MPDZ: variants seen among roughly 807,000 people sequenced by gnomAD.
The protein encoded by MPDZ is multiple PDZ domain protein.
MPDZ carries 234 observed loss-of-function variants against 239.1 expected under a neutral mutation model. That is an observed-to-expected ratio of 0.98 (90% CI 0.88 to 1.09). MPDZ has a LOEUF of 1.09. MPDZ is among the 50% of genes least tolerant of loss of function. The pLI, the probability that MPDZ is intolerant of heterozygous loss-of-function variation, is 0.00. For synonymous variants in MPDZ, 1,048 were observed against 881.3 expected (o/e 1.19, Z -3.35); for missense variants, 3,175 against 2,510.0 (o/e 1.26, Z -5.66).
chr9:13,222,657 C>T (rs537167343), intron 5 of MPDZ, among the ~76,000 whole-genome samples: 63 of 152,144 alleles, frequency 4.1e-4, no homozygotes, highest in Admixed American at 3.3e-3. Context: ...TCCTACTGAA[C>T]CCCTCCCATA....
chr9:13,247,725 G>C lies in MPDZ; in HGVS notation c.93C>G (p.Asp31Glu), dbSNP rs148433683. The change falls in exon 3 of 47, where the codon GAC (aspartate) becomes GAG (glutamate). Residue 31 changes from aspartate (D) to glutamate (E), a missense_variant. Asp to Glu is a conservative substitution (Grantham distance 45). Coordinates refer to ENST00000319217, the MANE Select transcript of MPDZ (RefSeq NM_001378778.1). ...GGACTGACTTCAGAAGGCTCAGTTT[G>C]TCTTCATTTGCTACATCCCCACGTT... is the stretch of plus-strand genomic sequence containing the variant. ...LRERGDVANE[D>E]KLSLLKSVLQ... is the part of the protein sequence containing the mutation. 250 of 1,613,616 alleles carry C rather than the reference G, an allele frequency of 1.5e-4. No homozygotes were observed. In the African/African-American group the frequency reaches 3.0e-3, roughly 19 times the overall value.
chr9:13,242,972 T>C (rs1965776734), intron 3 of MPDZ, among the ~76,000 whole-genome samples: 1 of 152,190 alleles, frequency 6.6e-6, no homozygotes, highest in South Asian at 2.1e-4. Flanking sequence ...ATGGAGAGCA[T>C]AAAATAATCC....
At chr9:13,243,980 C>T (rs1209803978) in intron 3 of MPDZ, among the ~76,000 whole-genome samples, 1 of 152,178 alleles carries the variant, frequency 6.6e-6, no homozygotes, top group Non-Finnish European at 1.5e-5. Flanking sequence ...CCTGAGTCAT[C>T]TACATTATTT....
intron 26 of MPDZ, 40 bp downstream of exon 26, chr9:13,147,508 C>A: frequency 6.8e-7 from 1 of 1,467,382 alleles, no homozygotes; most frequent in East Asian, 2.3e-5. Flanking sequence ...AAGTTGAACA[C>A]TGTTTGGATA....
At chr9:13,264,318 G>A (rs2138908522) in intron 1 of MPDZ, among the ~76,000 whole-genome samples, 1 of 152,132 alleles carries the variant, frequency 6.6e-6, no homozygotes. Flanking sequence ...CTTTTATAAA[G>A]AATATTAGCA....
At chr9:13,274,415 C>T (rs1433505793) in intron 1 of MPDZ, 1 of 151,446 alleles carries the variant, frequency 6.6e-6, no homozygotes. Context: ...TTTGCAGACA[C>T]AAATAAAACT....
intron 3 of MPDZ, among the ~76,000 whole-genome samples, chr9:13,226,537 C>G (rs986757980): frequency 1.3e-5 from 2 of 152,208 alleles, no homozygotes; most frequent in African/African-American, 4.8e-5. Context: ...CAGGTATATT[C>G]TTCCCCAAAT....
At chr9:13,107,984 A>G (rs956454860) in intron 46 of MPDZ, among the ~76,000 whole-genome samples, 2 of 152,188 alleles carry the variant, frequency 1.3e-5, no homozygotes, top group African/African-American at 4.8e-5. Context: ...ACATACCGAT[A>G]GCTTTTTTAA....
intron 10 of MPDZ, among the ~76,000 whole-genome samples, chr9:13,213,534 A>G (rs1957899758): frequency 6.6e-6 from 1 of 152,176 alleles, no homozygotes; most frequent in Non-Finnish European, 1.5e-5. Context: ...ATATCTCAAA[A>G]GTCCACAAGA....
Position 13,112,103 on chromosome 9 carries a change from C to A in MPDZ, c.5645G>T (p.Gly1882Val), listed in dbSNP as rs1325222450. Residue 1882 changes from glycine (G) to valine (V), a missense_variant, in exon 43 of 47, where the codon GGC becomes GTC. Coordinates refer to ENST00000319217, the MANE Select transcript of MPDZ (RefSeq NM_001378778.1). ...SLGISIAGGV[G>V]SPLGDVPIFI... ...TATAGGCACATCACCAAGTGGGCTG[C>A]CTACTCCTCCAGCGATGCTGATTCC... 4.3e-6 allele frequency: 7 copies of A among 1,613,282 alleles called. No individual in the cohort carries two copies. The Admixed American group carries it at 8.3e-5, about 19-fold the overall frequency.
chr9:13,241,371 G>A (rs1965366024), intron 3 of MPDZ, among the ~76,000 whole-genome samples: 1 of 152,120 alleles, frequency 6.6e-6, no homozygotes, highest in African/African-American at 2.4e-5. Context: ...CAGCTGGGAA[G>A]AGTTCCACTC....
intron 1 of MPDZ, chr9:13,278,989 CTG>C (rs555843698): frequency 6.6e-5 from 10 of 152,042 alleles, no homozygotes; most frequent in Admixed American, 6.5e-4. Context: ...GACACCAAGA[CTG>C]TGCCCCTCTG....
At chr9:13,128,967 G>C (rs181994683) in intron 32 of MPDZ, among the ~76,000 whole-genome samples, 76 of 152,324 alleles carry the variant, frequency 5.0e-4, no homozygotes, top group Non-Finnish European at 9.8e-4. Context: ...AACTACCCTT[G>C]AAGGTTGCTG....
intron 19 of MPDZ, among the ~76,000 whole-genome samples, chr9:13,180,358 T>C (rs1465563425): frequency 6.6e-6 from 1 of 152,138 alleles, no homozygotes; most frequent in Admixed American, 6.6e-5. Flanking sequence ...GAATAAAAAG[T>C]AATTCCTGGC....
In MPDZ at chr9:13,224,619, A is replaced by G. The variant is rs776161629; in HGVS notation, c.184-36T>C. On this transcript the variant is annotated intron_variant, in intron 3 of 46. Coordinates refer to ENST00000319217, the MANE Select transcript of MPDZ (RefSeq NM_001378778.1). ...TGCAGGGATTATTAAGAATTTTGAC[A>G]TTCCATAAACTATTTCATAGAAAAT... The G allele has an allele frequency of 5.0e-6, 7 of 1,392,648 alleles. No individual in the cohort carries two copies. The Admixed American group carries it at 1.2e-4, about 24-fold the overall frequency. The allele number at this position is 1,392,648 out of a possible 1,614,324, so 86.3% of individuals were successfully genotyped here.
rs1433263873 is a variant in MPDZ, at chr9:13,222,229, T to A, written c.747+4A>T. 1 of 1,605,994 alleles carries A rather than the reference T, an allele frequency of 6.2e-7. No homozygotes were observed. ...TGTTCCTTTTGAAAATTTTAGGTACTCACCGGATTAGAGTGAGCTGAAATT... is the reference window on the plus strand; with the variant it reads ...TGTTCCTTTTGAAAATTTTAGGTACACACCGGATTAGAGTGAGCTGAAATT... On this transcript the variant is annotated splice_donor_region_variant and intron_variant, in intron 6 of 46. Transcript: ENST00000319217.
intron 19 of MPDZ, among the ~76,000 whole-genome samples, chr9:13,181,717 C>T (rs151127100): frequency 3.9e-5 from 6 of 152,228 alleles, no homozygotes; most frequent in African/African-American, 1.4e-4. Flanking sequence ...CTGCATACAG[C>T]CAGCATTTGC....
chr9:13,142,657 A>G (rs1587185596), intron 27 of MPDZ, among the ~76,000 whole-genome samples: 2 of 152,134 alleles, frequency 1.3e-5, no homozygotes, highest in African/African-American at 4.8e-5. Flanking sequence ...CAAAAGGGTT[A>G]GTTGGGGAAC....
At chr9:13,224,072 T>C (rs150874311) in intron 4 of MPDZ, among the ~76,000 whole-genome samples, 147 of 151,944 alleles carry the variant, frequency 9.7e-4, no homozygotes, top group African/African-American at 3.3e-3. Flanking sequence ...GTAACAGTCA[T>C]CTTATCAGAA....
Sources: allele counts gnomAD v4.1 joint callset (sites outside exome capture counted in the v4.1 genomes callset), GRCh38; gene constraint gnomAD v4.1.1; transcripts MANE v1.5; gene names NCBI Gene and HGNC (gene_info 2026-07-23, HGNC 2026-07-21).